Variants in ERO1A observed in about 807,000 individuals in gnomAD.
ERO1A encodes endoplasmic reticulum oxidoreductase 1 alpha.
A neutral mutation model predicts 76.9 loss-of-function variants in ERO1A; 49 were observed. That is an observed-to-expected ratio of 0.64 (90% confidence interval 0.51 to 0.81). ERO1A has a LOEUF of 0.81. Ranked by LOEUF, ERO1A falls within the 30% of genes least tolerant of loss-of-function variation. ERO1A has a pLI of 0.00. For synonymous variants in ERO1A, 174 were observed against 181.2 expected (o/e 0.96, Z 0.32); for missense variants, 448 against 542.1 (o/e 0.83, Z 1.72).
At chr14:52,651,087 A>G (rs954595106) in intron 13 of ERO1A, among the ~76,000 whole-genome samples, 5 of 144,728 alleles carry the variant, frequency 3.5e-5, no homozygotes, top group African/African-American at 1.3e-4. Context: ...TGGGCAACAT[A>G]GCAAAACCCT....
chr14:52,672,830 T>TA (rs1282651736), intron 4 of ERO1A, among the ~76,000 whole-genome samples: 1 of 151,052 alleles, frequency 6.6e-6, no homozygotes, highest in Non-Finnish European at 1.5e-5. Context: ...TGGTCAAACT[T>TA]AGATACTATG....
intron 6 of ERO1A, 52 bp downstream of exon 6, chr14:52,671,578 T>C: frequency 7.4e-7 from 1 of 1,356,852 alleles, no homozygotes; most frequent in Admixed American, 2.1e-5. Flanking sequence ...AAAAACTTTT[T>C]TTTTCTTAGG....
At chr14:52,668,402 G>A (rs980008980) in intron 6 of ERO1A, among the ~76,000 whole-genome samples, 15 of 151,606 alleles carry the variant, frequency 9.9e-5, no homozygotes, top group South Asian at 4.2e-4. Flanking sequence ...AAAATTAGCC[G>A]GGCATGGTGA....
intron 6 of ERO1A, 55 bp downstream of exon 6, chr14:52,671,573 CTT>C: frequency 7.8e-7 from 1 of 1,287,728 alleles, no homozygotes; most frequent in Non-Finnish European, 1.1e-6. Flanking sequence ...TAATTAAAAA[CTT>C]TTTTTTTCTT....
intron 4 of ERO1A, among the ~76,000 whole-genome samples, chr14:52,672,588 G>A (rs1221554626): frequency 6.6e-6 from 1 of 151,800 alleles, no homozygotes; most frequent in Non-Finnish European, 1.5e-5. Flanking sequence ...GGGTAATACA[G>A]CAAGACCCCA....
chr14:52,695,374 G>A lies in ERO1A; in HGVS notation c.108C>T (p.Phe36=), dbSNP rs1480378649. The A allele has an allele frequency of 3.4e-6, 5 of 1,472,564 alleles. No individual in the cohort carries two copies. Among genetic ancestry groups the A allele is most frequent in the South Asian group, 1.3e-5 (1 of 75,786 alleles). 91.2% of individuals were successfully genotyped at this position (1,472,564 alleles called of 1,614,324 possible). A position where few individuals can be genotyped will look rare whatever the true frequency, so the allele number is the denominator to read the frequency against. ...QPPETAAQRC[F]CQVSGYLDDC... Reference sequence around the variant, plus strand: ...CAACGCGCACATCGCTCACCTGGCAGAAGCACCTCTGTGCCGCTGTCTCCG... The same window carrying A: ...CAACGCGCACATCGCTCACCTGGCAAAAGCACCTCTGTGCCGCTGTCTCCG... The change falls in exon 1 of 16, where the codon TTC becomes TTT. Residue 36 remains phenylalanine, a synonymous_variant. Coordinates refer to ENST00000395686, the MANE Select transcript of ERO1A (RefSeq NM_014584.3).
chr14:52,657,654 C>T (rs2040095128), intron 11 of ERO1A, among the ~76,000 whole-genome samples: 1 of 152,088 alleles, frequency 6.6e-6, no homozygotes, highest in Admixed American at 6.6e-5. Flanking sequence ...TTTAAATTCC[C>T]ACAAGAAAAC....
intron 11 of ERO1A, among the ~76,000 whole-genome samples, chr14:52,654,441 A>G (rs2039976797): frequency 6.6e-6 from 1 of 152,146 alleles, no homozygotes; most frequent in South Asian, 2.1e-4. Context: ...TTTTATTCTC[A>G]TTATAATTGA....
chr14:52,680,568 C>A (rs970474641), intron 3 of ERO1A, among the ~76,000 whole-genome samples: 1 of 152,028 alleles, frequency 6.6e-6, no homozygotes, highest in Admixed American at 6.6e-5. Flanking sequence ...TAATTAAACG[C>A]CTTTATTAAG....
intron 13 of ERO1A, among the ~76,000 whole-genome samples, chr14:52,651,106 CAA>C (rs5808681): frequency 0.21 from 21,546 of 102,606 alleles, 2,009 homozygotes; most frequent in African/African-American, 0.27. Flanking sequence ...CTGTTTCTAC[CAA>C]AAAAAAAAAA....
chr14:52,658,274 G>A (rs745693545), intron 9 of ERO1A, 124 bp from the exon 10 acceptor site: 66 of 666,352 alleles, frequency 9.9e-5, no homozygotes, highest in Non-Finnish European at 1.6e-4. Flanking sequence ...TTAACCTAAC[G>A]GTCCAAGTCT....
At chr14:52,693,002 C>CT (rs559143853) in intron 1 of ERO1A, among the ~76,000 whole-genome samples, 16,586 of 85,386 alleles carry the variant, frequency 0.19, 1,698 homozygotes, top group East Asian at 0.23. Context: ...AAATAGACAA[C>CT]TTTTTTTTTT....
intron 4 of ERO1A, among the ~76,000 whole-genome samples, chr14:52,677,992 G>A (rs1324987312): frequency 4.0e-5 from 6 of 151,064 alleles, no homozygotes; most frequent in Non-Finnish European, 7.4e-5. Context: ...CAGGCCGGAC[G>A]CGGTGGCTCA....
intron 3 of ERO1A, 81 bp from the exon 4 acceptor site, chr14:52,678,553 G>GA: frequency 8.1e-7 from 1 of 1,234,792 alleles, no homozygotes; most frequent in Non-Finnish European, 1.2e-6. Flanking sequence ...TGATTTATGA[G>GA]AAAAATTCAT....
intron 11 of ERO1A, among the ~76,000 whole-genome samples, chr14:52,655,595 T>C (rs184657633): frequency 1.3e-5 from 2 of 152,254 alleles, no homozygotes; most frequent in Admixed American, 1.3e-4. Context: ...TCTGGAATAA[T>C]ATTTCTTTTC....
At chr14:52,652,341 T>C in intron 12 of ERO1A, 33 bp from the exon 13 acceptor site, 1 of 1,446,606 alleles carries the variant, frequency 6.9e-7, no homozygotes, top group Non-Finnish European at 9.7e-7. Context: ...TTCATTTTCA[T>C]GTGTTATAAA....
At chr14:52,675,012 C>T (rs913360457) in intron 4 of ERO1A, among the ~76,000 whole-genome samples, 1 of 151,984 alleles carries the variant, frequency 6.6e-6, no homozygotes, top group Admixed American at 6.6e-5. Flanking sequence ...GAAATGCATC[C>T]GAAAAATAAG....
intron 4 of ERO1A, among the ~76,000 whole-genome samples, chr14:52,673,342 G>C (rs1307268219): frequency 6.6e-6 from 1 of 152,100 alleles, no homozygotes; most frequent in Admixed American, 6.6e-5. Flanking sequence ...TGTCTGCCTT[G>C]GCCTCCAAAA....
chr14:52,645,265 GTAATTA>G (rs952193702), intron 15 of ERO1A, among the ~76,000 whole-genome samples: 10 of 148,642 alleles, frequency 6.7e-5, no homozygotes, highest in African/African-American at 2.5e-4. Flanking sequence ...AATTCAATGA[GTAATTA>G]TAATTATGAT....
Sources: gnomAD v4.1 joint callset for allele counts (sites outside exome capture counted in the v4.1 genomes callset) on GRCh38, gnomAD v4.1.1 for gene constraint, MANE v1.5 for transcripts, NCBI Gene and HGNC (gene_info 2026-07-23, HGNC 2026-07-21) for gene names.